The following ETV5 variants were observed in gnomAD, a reference collection of about 807,000 sequenced individuals.
ETV5 encodes ETS translocation variant 5.
A neutral mutation model predicts 70.0 loss-of-function variants in ETV5; 10 were observed. That is an observed-to-expected ratio of 0.14 (90% CI 0.09 to 0.24). The LOEUF (loss-of-function observed/expected upper bound fraction) is 0.24, where lower values mean the gene tolerates loss of function less well. Ranked by LOEUF, ETV5 falls within the 10% of genes least tolerant of loss-of-function variation. The pLI is 1.00. For synonymous variants in ETV5, 216 were observed against 242.2 expected, an observed-to-expected ratio of 0.89 and a Z score of 1.01; for missense variants, 453 against 651.2, an observed-to-expected ratio of 0.70 and a Z score of 3.31.
chr3:186,056,454 C>T (rs1458063840), intron 11 of ETV5, among the ~76,000 whole-genome samples: 1 of 151,914 alleles, frequency 6.6e-6, no homozygotes, highest in South Asian at 2.1e-4. Context: ...TGCCATGTTA[C>T]CCAGGCTGGT....
chr3:186,065,676 T>C lies in ETV5; in HGVS notation c.910+137A>G, dbSNP rs1713423700. 4.7e-5 allele frequency: 49 copies of C among 1,040,834 alleles called. No individual in the cohort carries two copies. In the South Asian group the frequency reaches 7.5e-4, roughly 16 times the overall value. The allele number at this position is 1,040,834 out of a possible 1,614,324, so 64.5% of individuals were successfully genotyped here. On this transcript the variant is annotated intron_variant, in intron 8 of 12. Coordinates refer to ENST00000306376, the MANE Select transcript of ETV5 (RefSeq NM_004454.3). ...CAGCTCTACTAGCTCCTAAGTTATT[T>C]GAGGGCAATTCTTATAAAAATTATA...
chr3:186,084,753 G>A (rs896246141), intron 5 of ETV5, among the ~76,000 whole-genome samples: 3 of 152,162 alleles, frequency 2.0e-5, no homozygotes, highest in South Asian at 2.1e-4. Context: ...AAGGGCCTCC[G>A]CACTGTCATT....
chr3:186,061,776 C>T (rs1053678329), intron 9 of ETV5, among the ~76,000 whole-genome samples: 2 of 152,276 alleles, frequency 1.3e-5, no homozygotes, highest in African/African-American at 4.8e-5. Flanking sequence ...GGCTCCTTTC[C>T]ATCAAATGAG....
chr3:186,098,534 A>G (rs1714368842), intron 5 of ETV5, among the ~76,000 whole-genome samples: 1 of 152,212 alleles, frequency 6.6e-6, no homozygotes, highest in Admixed American at 6.5e-5. Context: ...TGAAGAGTTC[A>G]GAATACCCTC....
chr3:186,047,050 G>A lies in ETV5; in HGVS notation c.*1589C>T, dbSNP rs1365995904. The A allele has an allele frequency of 1.8e-5, 4 of 227,774 alleles. No homozygotes were observed. Among genetic ancestry groups the A allele is most frequent in the Non-Finnish European group, 2.6e-5 (3 of 114,366 alleles). The allele number at this position is 227,774 out of a possible 1,614,324, so 14.1% of individuals were successfully genotyped here. ...TGAATAGAAAAGCAGTTCAAAGCAC[G>A]TGTCTCACACTCACGGAGTCAGCAC... On this transcript the variant is annotated 3_prime_UTR_variant, in exon 13 of 13. Coordinates refer to ENST00000306376, the MANE Select transcript of ETV5 (RefSeq NM_004454.3).
intron 7 of ETV5, among the ~76,000 whole-genome samples, chr3:186,068,542 G>A (rs1713509997): frequency 1.3e-5 from 2 of 152,316 alleles, no homozygotes; most frequent in South Asian, 4.1e-4. Context: ...ACACTCTTCA[G>A]CTGTCAGATA....
At chr3:186,077,873 A>AGT (rs1314864901) in intron 7 of ETV5, 31 of 391,388 alleles carry the variant, frequency 7.9e-5, no homozygotes, top group Non-Finnish European at 1.1e-4. Context: ...GTATCACCCC[A>AGT]GTGTGTGTGT....
Position 186,047,602 on chromosome 3 carries a change from A to C in ETV5, c.*1037T>G, listed in dbSNP as rs80092904. The C allele has an allele frequency of 5.6e-3, 1,292 of 232,328 alleles. 11 individuals are homozygous for C. The highest frequency in any genetic ancestry group is 0.026 in the East Asian group (427 of 16,412). 14.4% of individuals were successfully genotyped at this position (232,328 alleles called of 1,614,324 possible). A position where few individuals can be genotyped will look rare whatever the true frequency, so the allele number is the denominator to read the frequency against. ...CCAGGCTGCCCTGCACACTTCAAAAATGTACAACTCAGGTGCAAATGTTCC... is the reference window on the plus strand; with the variant it reads ...CCAGGCTGCCCTGCACACTTCAAAACTGTACAACTCAGGTGCAAATGTTCC... On this transcript the variant is annotated 3_prime_UTR_variant, in exon 13 of 13. Coordinates refer to ENST00000306376, the MANE Select transcript of ETV5 (RefSeq NM_004454.3).
intron 5 of ETV5, among the ~76,000 whole-genome samples, chr3:186,099,962 A>C (rs1177039457): frequency 6.6e-6 from 1 of 152,236 alleles, no homozygotes; most frequent in African/African-American, 2.4e-5. Flanking sequence ...AGTTTTAAAT[A>C]AGCCTAACTG....
intron 7 of ETV5, among the ~76,000 whole-genome samples, 160 bp from the exon 8 acceptor site, chr3:186,066,232 G>T (rs1207909207): frequency 7.8e-6 from 1 of 128,382 alleles, no homozygotes. Flanking sequence ...ATTACATTGT[G>T]TATTTCGAAG....
chr3:186,057,161 C>A lies in ETV5; in HGVS notation c.1123G>T (p.Val375Phe), dbSNP rs1461706983. The stretch of plus-strand genomic sequence containing the variant: ...TTGGCTGGGTCATCAAGAAGGGTGA[C>A]CAGGAACTGCCACAGCTGAAGGGAA... Reference protein sequence around the residue: ...RGSLQLWQFLVTLLDDPANAH... With the variant: ...RGSLQLWQFLFTLLDDPANAH... Residue 375 changes from valine (V) to phenylalanine (F), a missense_variant, in exon 11 of 13, where the codon GTC (valine) becomes TTC (phenylalanine). Val to Phe is a conservative substitution (Grantham distance 50, BLOSUM62 -1). This residue lies in a region of ETV5 where 25 missense variants were observed against 114.3 expected (regional missense o/e 0.22). Transcript: ENST00000306376. This position sits in a 1 kb window ranked among gnomAD's most constrained non-coding sequence, Gnocchi z 4.9. 17 of 1,614,168 alleles carry A rather than the reference C, an allele frequency of 1.1e-5. No individual in the cohort carries two copies. Among genetic ancestry groups the A allele is most frequent in the Non-Finnish European group, 1.4e-5 (17 of 1,180,018 alleles).
Position 186,059,069 on chromosome 3 carries a change from T to C in ETV5, c.971-1578A>G, listed in dbSNP as rs753068870. Among the ~76,000 whole-genome samples, 6 of 151,074 alleles carry C rather than the reference T, an allele frequency of 4.0e-5. No homozygotes were observed. The South Asian group carries it at 1.3e-3, about 32-fold the overall frequency. On this transcript the variant is annotated intron_variant, in intron 9 of 12. Coordinates refer to ENST00000306376, the MANE Select transcript of ETV5 (RefSeq NM_004454.3). Reference sequence around the variant, plus strand: ...TAAAAAAAAAGAAAGGAAAAATCCGTGAGTAAAGGTGCCAAGGTATAATTT... The same window carrying C: ...TAAAAAAAAAGAAAGGAAAAATCCGCGAGTAAAGGTGCCAAGGTATAATTT...
intron 7 of ETV5, among the ~76,000 whole-genome samples, chr3:186,072,869 G>A (rs1251547140): frequency 2.6e-5 from 4 of 152,140 alleles, no homozygotes; most frequent in Admixed American, 6.5e-5. Flanking sequence ...GCGTGGTGGT[G>A]CACACCTGTA....
Position 186,107,923 on chromosome 3 carries a change from C to G in ETV5, c.-75+1017G>C, listed in dbSNP as rs560085897. The stretch of plus-strand genomic sequence containing the variant: ...GCTGCGCCCCCGCCCCCATTTCCAA[C>G]GCACGCCCAGCCTCCGACGCAGGCC... On this transcript the variant is annotated intron_variant, in intron 1 of 12. Coordinates refer to ENST00000306376, the MANE Select transcript of ETV5 (RefSeq NM_004454.3). 3.3e-5 allele frequency among the ~76,000 whole-genome samples: 5 copies of G among 151,432 alleles called. No individual in the cohort carries two copies. The East Asian group carries it at 9.7e-4, about 29-fold the overall frequency.
At chr3:186,079,171 G>A (rs866779163) in intron 7 of ETV5, 2 of 846,242 alleles carry the variant, frequency 2.4e-6, no homozygotes, top group Middle Eastern at 4.9e-4. Flanking sequence ...GAATACCACA[G>A]ATAAAGAGGT....
Position 186,102,654 on chromosome 3 carries a change from AAAAG to A in ETV5, c.232+2647_232+2650del, listed in dbSNP as rs1714489533. Among the ~76,000 whole-genome samples the A allele has an allele frequency of 1.4e-4, 21 of 151,736 alleles. No individual in the cohort carries two copies. The South Asian group carries it at 4.2e-3, about 30-fold the overall frequency. On this transcript the variant is annotated intron_variant, in intron 5 of 12. Transcript: ENST00000306376. ...CTCTCTCCAAAAAAAAAAAAAAAAAAAAAGGTTTGCTTTCCCCTGGCAAATCTAA... is the reference window on the plus strand; with the variant it reads ...CTCTCTCCAAAAAAAAAAAAAAAAAAGTTTGCTTTCCCCTGGCAAATCTAA...
Position 186,052,121 on chromosome 3 carries a change from C to T in ETV5, c.1220G>A (p.Arg407His). 1 of 1,613,672 alleles carries T rather than the reference C, an allele frequency of 6.2e-7. No homozygotes were observed. The highest frequency in any genetic ancestry group is 8.5e-7 in the Non-Finnish European group (1 of 1,179,768). Residue 407 changes from arginine (R) to histidine (H), a missense_variant, in exon 12 of 13, where the codon CGC becomes CAC. Coordinates refer to ENST00000306376, the MANE Select transcript of ETV5 (RefSeq NM_004454.3). The surrounding 1 kb of genome is among the most constrained non-coding windows in gnomAD (Gnocchi z 4.5). ...TGGCCGGTTCTTCTGGATGCCCCAG[C>T]GCCGAGCAACCTGAAGAGACAGGAA... Reference protein sequence around the residue: ...KLIEPEEVARRWGIQKNRPAM... With the variant: ...KLIEPEEVARHWGIQKNRPAM...
intron 11 of ETV5, among the ~76,000 whole-genome samples, chr3:186,055,074 A>G (rs1353791652): frequency 6.6e-6 from 1 of 152,234 alleles, no homozygotes; most frequent in Non-Finnish European, 1.5e-5. Flanking sequence ...TTATTAAGTA[A>G]GAAAGCAGGG....
chr3:186,081,194 T>C lies in ETV5; in HGVS notation c.233-19A>G, dbSNP rs763744108. 1 of 1,608,360 alleles carries C rather than the reference T, an allele frequency of 6.2e-7. No homozygotes were observed. Among genetic ancestry groups the C allele is most frequent in the African/African-American group, 1.3e-5 (1 of 74,650 alleles). On this transcript the variant is annotated intron_variant, in intron 5 of 12. Coordinates refer to ENST00000306376, the MANE Select transcript of ETV5 (RefSeq NM_004454.3). ...AGCACCACTGAAATCAGAAGAGGGA[T>C]GAGAGGGGAATAGAGAGAGAACAGC...
Sources: gnomAD v4.1 joint callset for allele counts (sites outside exome capture counted in the v4.1 genomes callset) on GRCh38, gnomAD v4.1.1 for gene constraint, gnomAD v4.1.1 regional missense constraint, Gnocchi (gnomAD v3.1) non-coding constraint, MANE v1.5 for transcripts, NCBI Gene and HGNC (gene_info 2026-07-23, HGNC 2026-07-21) for gene names.